The following EXOC2 variants were observed in gnomAD, a reference collection of about 807,000 sequenced individuals.
EXOC2 encodes exocyst complex component 2.
In EXOC2, 70 loss-of-function variants were observed where a neutral mutation model predicts 131.8. The ratio of observed to expected loss-of-function variants is 0.53; its 90% confidence interval spans 0.44 to 0.65. The LOEUF is 0.65. EXOC2 is among the 30% of genes least tolerant of loss of function. The probability of loss-of-function intolerance (pLI) is 0.00; values close to 1 mark genes in which losing one functional copy is unlikely to be tolerated. For synonymous variants in EXOC2, 411 were observed against 398.4 expected, an observed-to-expected ratio of 1.03 and a Z score of -0.38; for missense variants, 923 against 1,108.6, an observed-to-expected ratio of 0.83 and a Z score of 2.38.
intron 7 of EXOC2, among the ~76,000 whole-genome samples, chr6:609,381 A>C (rs1393752592): frequency 6.6e-6 from 1 of 152,240 alleles, no homozygotes; most frequent in African/African-American, 2.4e-5. Context: ...CATTCCTATC[A>C]AATGTAAACT....
At chr6:561,860 G>A (rs1757716268) in intron 17 of EXOC2, among the ~76,000 whole-genome samples, 1 of 152,198 alleles carries the variant, frequency 6.6e-6, no homozygotes, top group Admixed American at 6.5e-5. Context: ...GGGATTATAG[G>A]CGTGAGCCAC....
At chr6:488,875 T>C (rs1235932608) in intron 27 of EXOC2, 104 bp downstream of exon 27, 1 of 1,224,584 alleles carries the variant, frequency 8.2e-7, no homozygotes, top group Non-Finnish European at 1.2e-6. Context: ...ATTTGGATTC[T>C]GCTCTTCCTA....
intron 22 of EXOC2, among the ~76,000 whole-genome samples, chr6:546,920 G>A (rs1207508774): frequency 1.3e-5 from 2 of 152,184 alleles, no homozygotes; most frequent in Non-Finnish European, 2.9e-5. Context: ...GTTGTTTAAG[G>A]GTCAACTGTA....
Position 485,600 on chromosome 6 carries a change from G to C in EXOC2, c.*1071C>G, listed in dbSNP as rs571359953. Reference sequence around the variant, plus strand: ...GTTGGGTGGGCCGCTGACTCTGAGAGAAGTCCCGGTGACCTGAACCTATTC... The same window carrying C: ...GTTGGGTGGGCCGCTGACTCTGAGACAAGTCCCGGTGACCTGAACCTATTC... On this transcript the variant is annotated 3_prime_UTR_variant, in exon 28 of 28. Transcript: ENST00000230449. 1.3e-3 allele frequency: 205 copies of C among 152,362 alleles called. No individual in the cohort carries two copies. The highest frequency in any genetic ancestry group is 4.7e-3 in the African/African-American group (197 of 41,578). 9.4% of individuals were successfully genotyped at this position (152,362 alleles called of 1,614,324 possible). A position where few individuals can be genotyped will look rare whatever the true frequency, so the allele number is the denominator to read the frequency against.
intron 11 of EXOC2, among the ~76,000 whole-genome samples, chr6:584,052 G>A (rs1402142859): frequency 6.6e-6 from 1 of 152,086 alleles, no homozygotes; most frequent in Non-Finnish European, 1.5e-5. Context: ...GCTTCCTAAT[G>A]TGCAACCTTA....
intron 23 of EXOC2, among the ~76,000 whole-genome samples, chr6:514,637 G>A (rs994291533): frequency 3.3e-5 from 5 of 152,254 alleles, no homozygotes; most frequent in Non-Finnish European, 7.3e-5. Flanking sequence ...GGCGAGGGCT[G>A]TGAAGACACA....
chr6:656,891 G>A (rs201555162), intron 1 of EXOC2: 2 of 1,597,456 alleles, frequency 1.3e-6, no homozygotes, highest in Non-Finnish European at 1.7e-6. Context: ...TGCCGCTGAC[G>A]TGAATGAACA....
chr6:638,413 C>T (rs1048405654), intron 1 of EXOC2, among the ~76,000 whole-genome samples: 3 of 152,150 alleles, frequency 2.0e-5, no homozygotes, highest in African/African-American at 7.2e-5. Context: ...CATGAATTTG[C>T]TAGCTGTTGT....
chr6:536,669 C>T (rs2127546354), intron 22 of EXOC2, among the ~76,000 whole-genome samples: 1 of 152,160 alleles, frequency 6.6e-6, no homozygotes, highest in South Asian at 2.1e-4. Context: ...ATAAATAAAA[C>T]AATGCAATAT....
chr6:643,370 G>A (rs1453965848), intron 1 of EXOC2, among the ~76,000 whole-genome samples: 1 of 152,042 alleles, frequency 6.6e-6, no homozygotes, highest in Non-Finnish European at 1.5e-5. Context: ...AAATTCCGAA[G>A]ATTACAAAGG....
rs192837820 is a variant in EXOC2, at chr6:531,305, A to G, written c.2380+1164T>C. ...TACTATCATGAGAAGATGTTGTAAG[A>G]ATTTTAAGTAAGATACTGATAGAAC... is the stretch of plus-strand genomic sequence containing the variant. On this transcript the variant is annotated intron_variant, in intron 23 of 27. Coordinates refer to ENST00000230449, the MANE Select transcript of EXOC2 (RefSeq NM_018303.6). Among the ~76,000 whole-genome samples, 7 of 141,530 alleles carry G rather than the reference A, an allele frequency of 4.9e-5. No individual in the cohort carries two copies. In the East Asian group the frequency reaches 1.5e-3, roughly 30 times the overall value. The allele number at this position is 141,530 out of a possible 152,430, so 92.8% of individuals were successfully genotyped here.
chr6:528,119 G>A (rs1581372047), intron 23 of EXOC2, among the ~76,000 whole-genome samples: 2 of 152,030 alleles, frequency 1.3e-5, no homozygotes, highest in South Asian at 2.1e-4. Flanking sequence ...ATAAAGAGGT[G>A]ACAACAATTT....
intron 23 of EXOC2, among the ~76,000 whole-genome samples, chr6:515,840 G>A (rs1765133544): frequency 1.3e-5 from 2 of 152,198 alleles, no homozygotes; most frequent in Non-Finnish European, 2.9e-5. Flanking sequence ...TATCTGCAGT[G>A]AGCACCAAGT....
intron 1 of EXOC2, among the ~76,000 whole-genome samples, chr6:653,032 A>G (rs1762902507): frequency 6.6e-6 from 1 of 152,190 alleles, no homozygotes; most frequent in Non-Finnish European, 1.5e-5. Flanking sequence ...TGATGATACT[A>G]TTGTAACTGT....
At chr6:562,376 C>T (rs540818644) in intron 17 of EXOC2, among the ~76,000 whole-genome samples, 1 of 152,316 alleles carries the variant, frequency 6.6e-6, no homozygotes, top group Non-Finnish European at 1.5e-5. Context: ...GGCTGCCTGG[C>T]CTGAGAATGT....
At chr6:660,056 C>A (rs1763349782) in intron 1 of EXOC2, among the ~76,000 whole-genome samples, 2 of 151,920 alleles carry the variant, frequency 1.3e-5, no homozygotes, top group South Asian at 4.2e-4. Context: ...TGCGTGGGAG[C>A]TGGGTGAGGC....
At chr6:588,002 C>A (rs765373731) in intron 11 of EXOC2, among the ~76,000 whole-genome samples, 28 of 152,146 alleles carry the variant, frequency 1.8e-4, no homozygotes, top group Non-Finnish European at 4.4e-5. Flanking sequence ...TGGCTATGAG[C>A]TGATAAAATG....
chr6:672,021 A>G (rs1322477504), intron 1 of EXOC2, among the ~76,000 whole-genome samples: 1 of 151,982 alleles, frequency 6.6e-6, no homozygotes, highest in African/African-American at 2.4e-5. Flanking sequence ...TACGGCAAAT[A>G]TTTCTTCTGT....
chr6:486,357 C>G lies in EXOC2; in HGVS notation c.*314G>C. 1 of 246,534 alleles carries G rather than the reference C, an allele frequency of 4.1e-6. No individual in the cohort carries two copies. Among genetic ancestry groups the G allele is most frequent in the South Asian group, 8.8e-5 (1 of 11,388 alleles). The allele number at this position is 246,534 out of a possible 1,614,324, so 15.3% of individuals were successfully genotyped here. On this transcript the variant is annotated 3_prime_UTR_variant, in exon 28 of 28. Coordinates refer to ENST00000230449, the MANE Select transcript of EXOC2 (RefSeq NM_018303.6). ...ATGCTTCAATATGTGCCACGCCATT[C>G]CAGAAAACTCCCTGCAGAAGCAGCT... is the stretch of plus-strand genomic sequence containing the variant.
Sources: gnomAD v4.1 joint callset for allele counts (sites outside exome capture counted in the v4.1 genomes callset) on GRCh38, gnomAD v4.1.1 for gene constraint, MANE v1.5 for transcripts, NCBI Gene and HGNC (gene_info 2026-07-23, HGNC 2026-07-21) for gene names.